The following CDH13 variants were observed in gnomAD, a reference collection of about 807,000 sequenced individuals.
CDH13 encodes the protein cadherin 13.
A neutral mutation model predicts 63.8 loss-of-function variants in CDH13; 24 were observed. The observed-to-expected ratio is 0.38, with a 90% CI of 0.27 to 0.53. CDH13 has a LOEUF of 0.53. CDH13 is among the 20% of genes least tolerant of loss of function. The probability of loss-of-function intolerance (pLI) is 0.85; values close to 1 mark genes in which losing one functional copy is unlikely to be tolerated. For missense variants in CDH13, 1,049 were observed against 903.1 expected, an observed-to-expected ratio of 1.16 and a Z score of -2.07; for synonymous variants, 503 against 355.3, an observed-to-expected ratio of 1.42 and a Z score of -4.67.
chr16:83,312,850 G>T (rs1456168250), intron 5 of CDH13, among the ~76,000 whole-genome samples: 3 of 152,148 alleles, frequency 2.0e-5, no homozygotes, highest in Admixed American at 2.0e-4. Context: ...GTGTGGGGAA[G>T]GCCAGGAGAA....
chr16:82,713,095 G>A (rs1251990875), intron 1 of CDH13, among the ~76,000 whole-genome samples: 4 of 151,658 alleles, frequency 2.6e-5, no homozygotes, highest in African/African-American at 4.8e-5. Context: ...GGCAAAGGAC[G>A]TTTGGCAAAA....
intron 1 of CDH13, among the ~76,000 whole-genome samples, chr16:82,726,710 AAG>A (rs1192749516): frequency 1.3e-5 from 2 of 152,246 alleles, no homozygotes; most frequent in Non-Finnish European, 2.9e-5. Context: ...GAAAATTTGT[AAG>A]AGTTAGCAGA....
At chr16:83,540,323 G>T (rs981982922) in intron 7 of CDH13, among the ~76,000 whole-genome samples, 3 of 152,158 alleles carry the variant, frequency 2.0e-5, no homozygotes, top group East Asian at 1.9e-4. Flanking sequence ...TGCGTCTGCT[G>T]CCCCGAAGGA....
intron 7 of CDH13, among the ~76,000 whole-genome samples, chr16:83,508,137 A>AGGGAGGGAGGAAGGAAAGGGAAGGGG (rs2074462065): frequency 1.2e-5 from 1 of 81,982 alleles, no homozygotes; most frequent in African/African-American, 5.5e-5. Context: ...AAGGAAAGGG[A>AGGGAGGGAGGAAGGAAAGGGAAGGGG]AGGGGAGGGG....
At chr16:83,545,262 A>C (rs1043106977) in intron 7 of CDH13, among the ~76,000 whole-genome samples, 1 of 152,370 alleles carries the variant, frequency 6.6e-6, no homozygotes, top group East Asian at 1.9e-4. Flanking sequence ...GGAAGACTTC[A>C]CAGTAAGAGT....
intron 4 of CDH13, among the ~76,000 whole-genome samples, chr16:83,146,578 A>G (rs575165686): frequency 6.6e-6 from 1 of 152,364 alleles, no homozygotes; most frequent in East Asian, 1.9e-4. Flanking sequence ...TCAAGAAAGC[A>G]AGATATTTTC....
intron 6 of CDH13, among the ~76,000 whole-genome samples, chr16:83,401,273 A>G (rs909669686): frequency 8.6e-5 from 13 of 151,856 alleles, no homozygotes; most frequent in African/African-American, 2.7e-4. Context: ...CAGGAGGCAG[A>G]GGTTGCAGTA....
At chr16:82,791,823 C>A (rs1417493740) in intron 1 of CDH13, among the ~76,000 whole-genome samples, 1 of 152,194 alleles carries the variant, frequency 6.6e-6, no homozygotes, top group Non-Finnish European at 1.5e-5. Context: ...CCCACGGCTT[C>A]TAATAGAGCT....
intron 10 of CDH13, among the ~76,000 whole-genome samples, chr16:83,680,737 C>G (rs1284610762): frequency 6.6e-6 from 1 of 152,098 alleles, no homozygotes; most frequent in Non-Finnish European, 1.5e-5. Context: ...ATCATCACAG[C>G]TTTGGCCTTC....
intron 4 of CDH13, among the ~76,000 whole-genome samples, chr16:83,125,892 C>T (rs552415390): frequency 4.7e-4 from 71 of 152,220 alleles, no homozygotes; most frequent in South Asian, 8.3e-4. Flanking sequence ...TAGGTCTACG[C>T]GTACCACTGG....
intron 1 of CDH13, among the ~76,000 whole-genome samples, chr16:82,775,776 C>T (rs2035466801): frequency 6.6e-6 from 1 of 152,286 alleles, no homozygotes; most frequent in East Asian, 1.9e-4. Flanking sequence ...ACAGTGTACA[C>T]CCTTGCAAAA....
At chr16:83,457,769 C>T (rs1405779529) in intron 6 of CDH13, among the ~76,000 whole-genome samples, 4 of 152,146 alleles carry the variant, frequency 2.6e-5, no homozygotes, top group Non-Finnish European at 5.9e-5. Context: ...GTCACTGACC[C>T]ACTCCGCATC....
At chr16:82,643,638 A>C (rs1279114049) in intron 1 of CDH13, among the ~76,000 whole-genome samples, 1 of 152,242 alleles carries the variant, frequency 6.6e-6, no homozygotes, top group African/African-American at 2.4e-5. Context: ...AAAGTGAATT[A>C]AGAACCATCT....
chr16:83,265,496 A>G (rs1377132338), intron 5 of CDH13, among the ~76,000 whole-genome samples: 1 of 152,164 alleles, frequency 6.6e-6, no homozygotes, highest in East Asian at 1.9e-4. Context: ...TCTTAAAAAT[A>G]CTTCGTACAT....
At chr16:83,408,151 T>C (rs1376375214) in intron 6 of CDH13, among the ~76,000 whole-genome samples, 1 of 152,212 alleles carries the variant, frequency 6.6e-6, no homozygotes, top group African/African-American at 2.4e-5. Flanking sequence ...ACATGGATGA[T>C]GATCTTGTGA....
intron 4 of CDH13, among the ~76,000 whole-genome samples, chr16:83,189,302 C>A (rs1392686425): frequency 6.6e-6 from 1 of 152,170 alleles, no homozygotes; most frequent in African/African-American, 2.4e-5. Context: ...TCCTTTAGAT[C>A]AGGATTACTT....
intron 5 of CDH13, among the ~76,000 whole-genome samples, chr16:83,267,421 AAG>A (rs1221964628): frequency 6.6e-6 from 1 of 152,192 alleles, no homozygotes; most frequent in Non-Finnish European, 1.5e-5. Context: ...TTATAGGAGA[AAG>A]AGAGAGCAGC....
intron 2 of CDH13, among the ~76,000 whole-genome samples, chr16:82,886,386 C>T (rs2040887023): frequency 6.6e-6 from 1 of 152,134 alleles, no homozygotes; most frequent in African/African-American, 2.4e-5. Flanking sequence ...GCACTATTGC[C>T]AGTGTATGTG....
intron 1 of CDH13, among the ~76,000 whole-genome samples, chr16:82,652,887 C>T (rs1303035152): frequency 6.6e-6 from 1 of 152,178 alleles, no homozygotes; most frequent in Non-Finnish European, 1.5e-5. Context: ...AAAATCAAAA[C>T]TGTTGCTCAA....
Sources: allele counts gnomAD v4.1 joint callset (sites outside exome capture counted in the v4.1 genomes callset), GRCh38; gene constraint gnomAD v4.1.1; transcripts MANE v1.5; gene names NCBI Gene and HGNC (gene_info 2026-07-23, HGNC 2026-07-21).